The following GABRR1 variants were observed in gnomAD, a reference collection of about 807,000 sequenced individuals.
GABRR1 encodes gamma-aminobutyric acid type A receptor subunit rho1, also known as gamma-aminobutyric acid receptor subunit rho-1.
Under a neutral mutation model 55.5 loss-of-function variants are expected in GABRR1, and 59 were observed. The ratio of observed to expected loss-of-function variants is 1.06; its 90% confidence interval spans 0.86 to 1.32. The LOEUF is 1.32. Ranked by LOEUF, GABRR1 falls within the 40% of genes most tolerant of loss-of-function variation. GABRR1 has a pLI of 0.00. For missense variants in GABRR1, 602 were observed against 619.1 expected, an observed-to-expected ratio of 0.97 and a Z score of 0.29; for synonymous variants, 213 against 226.0, an observed-to-expected ratio of 0.94 and a Z score of 0.51.
rs767504608 is a variant in GABRR1 at position 89,201,284 on chromosome 6, C to A, written c.174-19G>T. Reference sequence around the variant, plus strand: ...AATTGGGCTGCCAAGGGGGAAGAAACCAGGCTGATCATATATTCCAACCAA... The same window carrying A: ...AATTGGGCTGCCAAGGGGGAAGAAAACAGGCTGATCATATATTCCAACCAA... On this transcript the variant is annotated intron_variant, in intron 2 of 9. Coordinates refer to ENST00000454853, the MANE Select transcript of GABRR1 (RefSeq NM_002042.5). The A allele has an allele frequency of 4.6e-6, 7 of 1,529,078 alleles. No homozygotes were observed. Among genetic ancestry groups the A allele is most frequent in the South Asian group, 1.1e-5 (1 of 89,088 alleles). The allele number at this position is 1,529,078 out of a possible 1,614,324, so 94.7% of individuals were successfully genotyped here.
At chr6:89,183,318 T>TGTC (rs1331975646) in intron 7 of GABRR1, among the ~76,000 whole-genome samples, 5 of 152,200 alleles carry the variant, frequency 3.3e-5, no homozygotes, top group African/African-American at 4.8e-5. Context: ...GCAGAGGGAC[T>TGTC]GTCAGAATGC....
At chr6:89,224,796 T>C (rs13194010) in intron 1 of GABRR1, among the ~76,000 whole-genome samples, 25 of 147,524 alleles carry the variant, frequency 1.7e-4, no homozygotes, top group African/African-American at 6.1e-4. Context: ...TTTTTTTTTT[T>C]CCCCAAGACA....
chr6:89,195,259 G>A (rs889342718), intron 5 of GABRR1, among the ~76,000 whole-genome samples: 2 of 152,104 alleles, frequency 1.3e-5, no homozygotes, highest in African/African-American at 2.4e-5. Flanking sequence ...TCAGGAGTTT[G>A]AGACCAGCCT....
chr6:89,193,618 A>G (rs443541), intron 5 of GABRR1, among the ~76,000 whole-genome samples: 11,334 of 152,142 alleles, frequency 0.074, 1,204 homozygotes, highest in African/African-American at 0.24. Context: ...TGATTGCTAG[A>G]TTTTCAGGAA....
rs145801423 is a variant in GABRR1 at position 89,192,401 on chromosome 6, G to A, written c.573-2154C>T. Among the ~76,000 whole-genome samples the A allele has an allele frequency of 3.4e-4, 51 of 152,088 alleles. 1 individual carries two copies. The East Asian group carries it at 9.3e-3, about 28-fold the overall frequency. On this transcript the variant is annotated intron_variant, in intron 5 of 9. Coordinates refer to ENST00000454853, the MANE Select transcript of GABRR1 (RefSeq NM_002042.5). ...GACAGCTCTTCTCTCCCACCTAACT[G>A]CACAGTGTCCCAAACTGCAGGCACA...
At position 89,178,636 on chromosome 6, in the gene GABRR1, C is replaced by T. The variant is rs1771612452; in HGVS notation, c.*134G>A. 1.4e-6 allele frequency: 1 copy of T among 708,184 alleles called. No individual in the cohort carries two copies. Among genetic ancestry groups the T allele is most frequent in the Non-Finnish European group, 2.3e-6 (1 of 430,560 alleles). The allele number at this position is 708,184 out of a possible 1,614,324, so 43.9% of individuals were successfully genotyped here. On this transcript the variant is annotated 3_prime_UTR_variant, in exon 10 of 10. Transcript: ENST00000454853. ...GTCTCGTCAATGTAGCTTTGGAAAG[C>T]TGCAGAAGGGATAGTGAAAACATGG... is the stretch of plus-strand genomic sequence containing the variant.
chr6:89,191,010 C>A (rs1296655776), intron 5 of GABRR1, among the ~76,000 whole-genome samples: 1 of 152,224 alleles, frequency 6.6e-6, no homozygotes, highest in African/African-American at 2.4e-5. Context: ...GCTGAATGGA[C>A]TCCTTTTCCT....
At chr6:89,204,510 AG>A (rs1281347710) in intron 1 of GABRR1, 1 of 491,836 alleles carries the variant, frequency 2.0e-6, no homozygotes, top group African/African-American at 2.0e-5. Context: ...GGAAGGAATC[AG>A]CCCCCTACAT....
chr6:89,219,759 G>A (rs1773085071), upstream of GABRR1, among the ~76,000 whole-genome samples: 1 of 152,050 alleles, frequency 6.6e-6, no homozygotes, highest in Admixed American at 6.5e-5. Flanking sequence ...GTGCTGTGGA[G>A]AGTATAAATC....
At chr6:89,198,843 T>C (rs1040302814) in intron 4 of GABRR1, among the ~76,000 whole-genome samples, 1 of 152,124 alleles carries the variant, frequency 6.6e-6, no homozygotes, top group South Asian at 2.1e-4. Flanking sequence ...AAAGTGCTTA[T>C]ACTTATGCTT....
At chr6:89,179,864 A>C (rs914102610) in intron 9 of GABRR1, among the ~76,000 whole-genome samples, 1 of 152,174 alleles carries the variant, frequency 6.6e-6, no homozygotes, top group African/African-American at 2.4e-5. Context: ...TGGAGCATGC[A>C]TGAGGTTACA....
At chr6:89,188,307 A>C (rs903823302) in intron 6 of GABRR1, among the ~76,000 whole-genome samples, 3 of 152,194 alleles carry the variant, frequency 2.0e-5, no homozygotes, top group African/African-American at 7.2e-5. Context: ...TACAGGTATG[A>C]GCAACCGTGC....
intron 5 of GABRR1, among the ~76,000 whole-genome samples, chr6:89,196,336 C>T (rs954383895): frequency 1.4e-5 from 2 of 147,226 alleles, no homozygotes; most frequent in Non-Finnish European, 3.0e-5. Context: ...TGCATACTTT[C>T]CCCCCAGGTA....
chr6:89,185,240 A>G (rs921318886), intron 7 of GABRR1, 70 bp downstream of exon 7: 32 of 1,591,188 alleles, frequency 2.0e-5, no homozygotes, highest in Non-Finnish European at 2.7e-5. Flanking sequence ...AACCTTTCCT[A>G]TAATAGAGGG....
intron 1 of GABRR1, among the ~76,000 whole-genome samples, chr6:89,229,064 A>G (rs1368611482): frequency 6.6e-6 from 1 of 151,926 alleles, no homozygotes; most frequent in Non-Finnish European, 1.5e-5. Context: ...AATCTGTTTT[A>G]TCAGAGACTA....
At chr6:89,186,671 GT>G in intron 6 of GABRR1, among the ~76,000 whole-genome samples, 1 of 152,372 alleles carries the variant, frequency 6.6e-6, no homozygotes, top group East Asian at 1.9e-4. Context: ...GGAAAACTAA[GT>G]TCTGGAGACA....
At chr6:89,200,148 G>A (rs970384714) in intron 3 of GABRR1, among the ~76,000 whole-genome samples, 4 of 151,960 alleles carry the variant, frequency 2.6e-5, no homozygotes, top group Admixed American at 2.6e-4. Flanking sequence ...GTGGATTGGG[G>A]ACTGCATAGA....
chr6:89,197,231 G>A (rs1772324307), intron 5 of GABRR1, among the ~76,000 whole-genome samples: 2 of 152,218 alleles, frequency 1.3e-5, no homozygotes, highest in South Asian at 2.1e-4. Flanking sequence ...ACACTGATGT[G>A]TGGATTCATC....
intron 6 of GABRR1, among the ~76,000 whole-genome samples, chr6:89,189,042 CTGTGTGTGTGTG>C (rs71913424): frequency 1.4e-5 from 2 of 147,538 alleles, no homozygotes; most frequent in Admixed American, 6.8e-5. Context: ...GAACTCATGT[CTGTGTGTGTGTG>C]TGTGTGTGTG....
Sources: allele counts gnomAD v4.1 joint callset (sites outside exome capture counted in the v4.1 genomes callset), GRCh38; gene constraint gnomAD v4.1.1; transcripts MANE v1.5; gene names NCBI Gene and HGNC (gene_info 2026-07-23, HGNC 2026-07-21).